Variants in DENND1A observed in about 807,000 individuals in gnomAD.
The protein encoded by DENND1A is DENN domain containing 1A, also known as DENN domain-containing protein 1A.
DENND1A carries 51 observed loss-of-function variants against 113.7 expected under a neutral mutation model. The observed-to-expected ratio is 0.45, with a 90% CI of 0.36 to 0.57. DENND1A has a LOEUF of 0.57. Among genes scored for constraint, DENND1A ranks in the 20% least tolerant of loss-of-function variants. The probability of loss-of-function intolerance (pLI) is 0.00; values close to 1 mark genes in which losing one functional copy is unlikely to be tolerated. For synonymous variants in DENND1A, 565 were observed against 570.8 expected, an observed-to-expected ratio of 0.99 and a Z score of 0.14; for missense variants, 1,258 against 1,395.9, an observed-to-expected ratio of 0.90 and a Z score of 1.57.
At chr9:123,412,981 C>T (rs1201320874) in intron 19 of DENND1A, among the ~76,000 whole-genome samples, 2 of 152,194 alleles carry the variant, frequency 1.3e-5, no homozygotes, top group South Asian at 2.1e-4. Context: ...GTCAGGAGTT[C>T]GAGACCAGCC....
rs779993094 is a variant in DENND1A, at chr9:123,382,326, G to T, written c.2319C>A (p.Ile773=). 4 of 1,609,282 alleles carry T rather than the reference G, an allele frequency of 2.5e-6. No individual in the cohort carries two copies. Among genetic ancestry groups the T allele is most frequent in the Non-Finnish European group, 3.4e-6 (4 of 1,178,490 alleles). The change falls in exon 24 of 24, where the codon ATC becomes ATA. Residue 773 remains isoleucine, a synonymous_variant. Coordinates refer to ENST00000394215, the MANE Select transcript of DENND1A (RefSeq NM_001352964.2). The part of the protein sequence containing the change: ...PQGRKTPELG[I]VPPPPIPRPA... ...GGCGGGGAATGGGCGGTGGAGGCAC[G>T]ATGCCCAGCTCTGGGGTCTTCCTGC...
intron 2 of DENND1A, among the ~76,000 whole-genome samples, chr9:123,829,353 C>A (rs536085938): frequency 2.6e-5 from 4 of 151,568 alleles, no homozygotes; most frequent in South Asian, 2.1e-4. Context: ...ATCAGAATTA[C>A]AAAAATGTAA....
At position 123,597,311 on chromosome 9, in the gene DENND1A, C is replaced by T. The variant is rs148109073; in HGVS notation, c.765+12125G>A. Among the ~76,000 whole-genome samples, 601 of 152,240 alleles carry T rather than the reference C, an allele frequency of 3.9e-3. 3 individuals carry two copies. The highest frequency in any genetic ancestry group is 5.7e-3 in the Non-Finnish European group (388 of 68,016). The stretch of plus-strand genomic sequence containing the variant: ...ACTTAATCAGAGTGAACTTATCTTG[C>T]GGTGAAAAGGAACACTTTAAATTTC... On this transcript the variant is annotated intron_variant, in intron 11 of 23. Transcript: ENST00000394215.
chr9:123,639,236 G>A (rs376952187), intron 9 of DENND1A, among the ~76,000 whole-genome samples: 2 of 151,538 alleles, frequency 1.3e-5, no homozygotes, highest in African/African-American at 4.8e-5. Flanking sequence ...TCAGGAGTTC[G>A]AGACCAGCCT....
intron 5 of DENND1A, among the ~76,000 whole-genome samples, chr9:123,731,057 T>C (rs976187801): frequency 1.3e-5 from 2 of 151,502 alleles, no homozygotes; most frequent in African/African-American, 4.9e-5. Flanking sequence ...GGTTGAACAG[T>C]GAGAACACAT....
At position 123,671,351 on chromosome 9, in the gene DENND1A, A is replaced by G. The variant is rs1193680486; in HGVS notation, c.393T>C (p.Leu131=). ...TGGGAAGTTTGTGCAGAGTTTCAAG[A>G]AGCTCATTCCACTGATTTTCCTGAA... The part of the protein sequence containing the change: ...TKRQENQWNE[L]LETLHKLPIP... The change falls in exon 7 of 24, where the codon CTT becomes CTC. Residue 131 remains leucine (L), a synonymous_variant. Coordinates refer to ENST00000394215, the MANE Select transcript of DENND1A (RefSeq NM_001352964.2). The G allele has an allele frequency of 1.2e-6, 2 of 1,614,030 alleles. No individual in the cohort carries two copies. The highest frequency in any genetic ancestry group is 1.7e-6 in the Non-Finnish European group (2 of 1,179,984).
chr9:123,449,860 T>G (rs2047580278), intron 18 of DENND1A, among the ~76,000 whole-genome samples: 1 of 151,268 alleles, frequency 6.6e-6, no homozygotes, highest in Non-Finnish European at 1.5e-5. Flanking sequence ...GGGAAGGGGG[T>G]GAGGGATAAA....
chr9:123,792,678 A>G (rs766005675), intron 2 of DENND1A, 48 bp from the exon 3 acceptor site: 1 of 1,592,034 alleles, frequency 6.3e-7, no homozygotes, highest in African/African-American at 1.3e-5. Context: ...ATTAGTGAGC[A>G]AGCAGAGGAT....
At chr9:123,640,890 C>A (rs1241172374) in intron 9 of DENND1A, among the ~76,000 whole-genome samples, 1 of 152,236 alleles carries the variant, frequency 6.6e-6, no homozygotes, top group African/African-American at 2.4e-5. Context: ...TGGAACAAAG[C>A]CATCCTGACT....
intron 13 of DENND1A, among the ~76,000 whole-genome samples, chr9:123,482,464 C>T (rs954062254): frequency 1.3e-5 from 2 of 152,202 alleles, no homozygotes; most frequent in South Asian, 4.1e-4. Flanking sequence ...CTATCATTCC[C>T]TTGGCCTGGC....
chr9:123,833,191 T>C (rs983352853), intron 2 of DENND1A, among the ~76,000 whole-genome samples: 1 of 144,218 alleles, frequency 6.9e-6, no homozygotes, highest in South Asian at 2.2e-4. Flanking sequence ...GGTTCTCTAA[T>C]TGAGGGAATG....
intron 8 of DENND1A, among the ~76,000 whole-genome samples, chr9:123,657,600 T>C (rs1189975412): frequency 6.6e-6 from 1 of 152,210 alleles, no homozygotes; most frequent in African/African-American, 2.4e-5. Flanking sequence ...CTTTGTGACT[T>C]TCCACTTCAT....
At chr9:123,406,343 GT>G (rs2043851154) in intron 20 of DENND1A, among the ~76,000 whole-genome samples, 1 of 152,228 alleles carries the variant, frequency 6.6e-6, no homozygotes, top group African/African-American at 2.4e-5. Context: ...TACAGGGAAA[GT>G]CCCCCCAAGG....
At chr9:123,790,386 C>T (rs555870991) in intron 3 of DENND1A, among the ~76,000 whole-genome samples, 66 of 143,458 alleles carry the variant, frequency 4.6e-4, no homozygotes, top group African/African-American at 1.4e-3. Flanking sequence ...TTATAGGAGG[C>T]GAAAAAAAAA....
At chr9:123,476,396 T>A (rs748797524) in intron 13 of DENND1A, among the ~76,000 whole-genome samples, 1 of 151,732 alleles carries the variant, frequency 6.6e-6, no homozygotes, top group Non-Finnish European at 1.5e-5. Flanking sequence ...GATGTGGGAG[T>A]CTCCAGCCTT....
chr9:123,685,565 C>A (rs141616845), intron 5 of DENND1A, among the ~76,000 whole-genome samples: 4 of 152,284 alleles, frequency 2.6e-5, no homozygotes, highest in African/African-American at 9.6e-5. Context: ...TCTTTTCTTT[C>A]TTGATGGGCA....
At chr9:123,804,645 C>T (rs1005137406) in intron 2 of DENND1A, among the ~76,000 whole-genome samples, 1 of 152,216 alleles carries the variant, frequency 6.6e-6, no homozygotes, top group African/African-American at 2.4e-5. Flanking sequence ...CTCCACTTGA[C>T]GTCTCAAATT....
At chr9:123,592,003 T>C (rs774858314) in intron 11 of DENND1A, among the ~76,000 whole-genome samples, 3 of 152,194 alleles carry the variant, frequency 2.0e-5, no homozygotes, top group Non-Finnish European at 4.4e-5. Context: ...TGTGTAAACA[T>C]CAGCAAGTTC....
At chr9:123,421,774 G>A (rs1261292310) in intron 19 of DENND1A, among the ~76,000 whole-genome samples, 1 of 152,152 alleles carries the variant, frequency 6.6e-6, no homozygotes, top group African/African-American at 2.4e-5. Flanking sequence ...GGGAGTCCAG[G>A]ACTCCTTGGC....
Sources: gnomAD v4.1 joint callset for allele counts (sites outside exome capture counted in the v4.1 genomes callset) on GRCh38, gnomAD v4.1.1 for gene constraint, MANE v1.5 for transcripts, NCBI Gene and HGNC (gene_info 2026-07-23, HGNC 2026-07-21) for gene names.